Variants in KCNIP4 observed in about 807,000 individuals in gnomAD.
KCNIP4 encodes the protein Kv channel-interacting protein 4.
In KCNIP4, 12 loss-of-function variants were observed where a neutral mutation model predicts 34.0. The ratio of observed to expected loss-of-function variants is 0.35; its 90% CI spans 0.23 to 0.57. The LOEUF (loss-of-function observed/expected upper bound fraction) is 0.57. Ranked by LOEUF, KCNIP4 falls within the 20% of genes least tolerant of loss-of-function variation. The probability of loss-of-function intolerance (pLI) is 0.83; values close to 1 mark genes in which losing one functional copy is unlikely to be tolerated. For missense variants in KCNIP4, 238 were observed against 311.7 expected (o/e 0.76, Z 1.78); for synonymous variants, 124 against 102.2 (o/e 1.21, Z -1.29).
chr4:21,714,797 T>C (rs966044690), intron 1 of KCNIP4, among the ~76,000 whole-genome samples: 6 of 250 alleles, frequency 0.024, no homozygotes, highest in Non-Finnish European at 0.035. Flanking sequence ...TTATTTTATT[T>C]TATTTTATTT....
At chr4:21,890,498 T>TG (rs1182591415) in intron 1 of KCNIP4, among the ~76,000 whole-genome samples, 1 of 152,042 alleles carries the variant, frequency 6.6e-6, no homozygotes, top group Non-Finnish European at 1.5e-5. Flanking sequence ...TTCATCCAGA[T>TG]GGGGAAAGGG....
At chr4:20,966,473 A>C (rs1734361669) in intron 1 of KCNIP4, among the ~76,000 whole-genome samples, 1 of 152,166 alleles carries the variant, frequency 6.6e-6, no homozygotes, top group Admixed American at 6.5e-5. Flanking sequence ...AAAAAAGAAC[A>C]CTTAGTACTA....
intron 1 of KCNIP4, among the ~76,000 whole-genome samples, chr4:21,585,317 C>T (rs1409477860): frequency 2.0e-5 from 3 of 151,938 alleles, no homozygotes; most frequent in Non-Finnish European, 4.4e-5. Context: ...GCTTCAGATC[C>T]CCAGATCCTA....
At chr4:21,230,475 C>T (rs1457211644) in intron 1 of KCNIP4, among the ~76,000 whole-genome samples, 1 of 152,118 alleles carries the variant, frequency 6.6e-6, no homozygotes, top group Non-Finnish European at 1.5e-5. Context: ...CGTGCATTAG[C>T]TATTTATCCT....
At chr4:21,047,805 C>T (rs1211872985) in intron 1 of KCNIP4, among the ~76,000 whole-genome samples, 4 of 152,154 alleles carry the variant, frequency 2.6e-5, no homozygotes, top group Non-Finnish European at 2.9e-5. Context: ...ATCTGTCCTC[C>T]GTAGTCTGGC....
chr4:21,248,335 A>G (rs1760444706), intron 1 of KCNIP4, among the ~76,000 whole-genome samples: 2 of 152,096 alleles, frequency 1.3e-5, no homozygotes, highest in African/African-American at 2.4e-5. Flanking sequence ...GAGTTAGAAC[A>G]AGTGAAGTCT....
intron 1 of KCNIP4, among the ~76,000 whole-genome samples, chr4:21,365,522 T>TAAATAAATAAAA (rs1553869740): frequency 6.2e-5 from 7 of 113,502 alleles, no homozygotes; most frequent in Middle Eastern, 4.2e-3. Context: ...AATAAATAAA[T>TAAATAAATAAAA]AAAAAATAAA....
At chr4:21,187,706 A>AC (rs767928304) in intron 1 of KCNIP4, among the ~76,000 whole-genome samples, 7 of 149,394 alleles carry the variant, frequency 4.7e-5, no homozygotes, top group Admixed American at 2.0e-4. Flanking sequence ...CAGAATCCTC[A>AC]TTTTTTTTTT....
chr4:20,761,730 A>G (rs1011688123), intron 3 of KCNIP4, among the ~76,000 whole-genome samples: 1 of 152,202 alleles, frequency 6.6e-6, no homozygotes, highest in African/African-American at 2.4e-5. Context: ...ATAATGTGAA[A>G]TGAATTTGTA....
chr4:21,134,109 A>G (rs1389059650), intron 1 of KCNIP4, among the ~76,000 whole-genome samples: 1 of 152,118 alleles, frequency 6.6e-6, no homozygotes, highest in Admixed American at 6.5e-5. Context: ...GTCTCCCCAG[A>G]CCACCCACAG....
intron 1 of KCNIP4, among the ~76,000 whole-genome samples, chr4:21,243,463 C>T (rs1295979364): frequency 2.6e-5 from 4 of 152,184 alleles, no homozygotes; most frequent in Non-Finnish European, 4.4e-5. Flanking sequence ...TACTAAAATA[C>T]AGATTGGCTT....
chr4:21,821,022 C>T (rs1426951175), intron 1 of KCNIP4, among the ~76,000 whole-genome samples: 1 of 152,098 alleles, frequency 6.6e-6, no homozygotes, highest in Non-Finnish European at 1.5e-5. Flanking sequence ...GCAATTCATA[C>T]CATGTACCTT....
chr4:21,206,383 A>C (rs946682489), intron 1 of KCNIP4, among the ~76,000 whole-genome samples: 3 of 152,218 alleles, frequency 2.0e-5, no homozygotes, highest in Non-Finnish European at 4.4e-5. Flanking sequence ...AAACAGACTT[A>C]TCTCTGAGAC....
intron 1 of KCNIP4, among the ~76,000 whole-genome samples, chr4:21,232,912 G>A (rs1461569361): frequency 6.6e-6 from 1 of 152,122 alleles, no homozygotes; most frequent in Non-Finnish European, 1.5e-5. Flanking sequence ...ATTACCGAAT[G>A]TAGGTCTGAG....
chr4:21,112,179 T>G (rs1749274431), intron 1 of KCNIP4, among the ~76,000 whole-genome samples: 1 of 152,152 alleles, frequency 6.6e-6, no homozygotes, highest in African/African-American at 2.4e-5. Flanking sequence ...AGAATGGAAC[T>G]TGAAAGGTTA....
intron 1 of KCNIP4, among the ~76,000 whole-genome samples, chr4:21,151,942 A>T (rs965406872): frequency 6.6e-6 from 1 of 152,086 alleles, no homozygotes; most frequent in African/African-American, 2.4e-5. Flanking sequence ...AAATACTTCT[A>T]TATTGAAGAT....
intron 1 of KCNIP4, among the ~76,000 whole-genome samples, chr4:21,779,300 T>C (rs1410556841): frequency 1.3e-5 from 2 of 152,094 alleles, no homozygotes; most frequent in Non-Finnish European, 2.9e-5. Flanking sequence ...TATTAGCATT[T>C]AAAAAGCATA....
At chr4:21,122,194 C>T (rs1466650471) in intron 1 of KCNIP4, among the ~76,000 whole-genome samples, 3 of 132,934 alleles carry the variant, frequency 2.3e-5, no homozygotes, top group African/African-American at 2.9e-5. Flanking sequence ...TTTTTAAGTG[C>T]GTACACATTT....
chr4:21,781,375 C>T (rs146353522), intron 1 of KCNIP4, among the ~76,000 whole-genome samples: 12 of 152,214 alleles, frequency 7.9e-5, no homozygotes, highest in South Asian at 2.1e-4. Context: ...ATAAATTACC[C>T]GGTCTCAGGT....
Sources: gnomAD v4.1 joint callset for allele counts (sites outside exome capture counted in the v4.1 genomes callset) on GRCh38, gnomAD v4.1.1 for gene constraint, MANE v1.5 for transcripts, NCBI Gene and HGNC (gene_info 2026-07-23, HGNC 2026-07-21) for gene names.